TBPL2: variants seen among roughly 807,000 people sequenced by gnomAD.
The protein encoded by TBPL2 is TATA-box binding protein like 2, also known as TATA box-binding protein-like 2.
Under a neutral mutation model 38.2 loss-of-function variants are expected in TBPL2, and 40 were observed. The ratio of observed to expected loss-of-function variants is 1.05; its 90% confidence interval spans 0.81 to 1.36. TBPL2 has a LOEUF of 1.36. TBPL2 is among the 40% of genes most tolerant of loss of function. TBPL2 has a pLI of 0.00. For missense variants in TBPL2, 461 were observed against 456.7 expected (o/e 1.01, Z -0.09); for synonymous variants, 169 against 171.7 (o/e 0.98, Z 0.12).
intron 4 of TBPL2, 28 bp from the exon 5 acceptor site, chr14:55,429,002 T>G (rs774960815): frequency 6.2e-7 from 1 of 1,612,116 alleles, no homozygotes; most frequent in Non-Finnish European, 8.5e-7. Context: ...TGTTTAAAGA[T>G]GTCTTAATCG....
At chr14:55,414,690 C>G (rs1300903895) in intron 6 of TBPL2, among the ~76,000 whole-genome samples, 1 of 152,168 alleles carries the variant, frequency 6.6e-6, no homozygotes, top group Non-Finnish European at 1.5e-5. Flanking sequence ...CATCTTTGCT[C>G]ACACAGTGCT....
At chr14:55,417,499 G>C (rs1885686524) in intron 6 of TBPL2, among the ~76,000 whole-genome samples, 1 of 147,666 alleles carries the variant, frequency 6.8e-6, no homozygotes, top group Non-Finnish European at 1.5e-5. Context: ...GGTCACCCAG[G>C]CTGGAGTGCT....
chr14:55,422,790 T>G (rs1001778362), intron 6 of TBPL2, among the ~76,000 whole-genome samples: 2 of 151,832 alleles, frequency 1.3e-5, no homozygotes, highest in African/African-American at 4.8e-5. Context: ...GAGGTGGAGG[T>G]TGCAGTGAGC....
chr14:55,431,457 C>A (rs1885924146), intron 4 of TBPL2, among the ~76,000 whole-genome samples: 1 of 152,220 alleles, frequency 6.6e-6, no homozygotes, highest in African/African-American at 2.4e-5. Flanking sequence ...CCTTTCAGCT[C>A]AGTATGTGTA....
chr14:55,438,265 C>A (rs1207393464), intron 1 of TBPL2, among the ~76,000 whole-genome samples: 1 of 152,206 alleles, frequency 6.6e-6, no homozygotes, highest in Admixed American at 6.5e-5. Context: ...TCTGTTACTA[C>A]AAGTCCAGCA....
At chr14:55,415,694 C>T (rs781738318) in intron 6 of TBPL2, among the ~76,000 whole-genome samples, 1 of 151,974 alleles carries the variant, frequency 6.6e-6, no homozygotes, top group Non-Finnish European at 1.5e-5. Flanking sequence ...GCGAAACCCC[C>T]GTCTCTACTA....
At chr14:55,437,489 T>C (rs2140181233) in intron 1 of TBPL2, among the ~76,000 whole-genome samples, 1 of 152,286 alleles carries the variant, frequency 6.6e-6, no homozygotes, top group Non-Finnish European at 1.5e-5. Flanking sequence ...AAAATGATTC[T>C]ATTACAGTTA....
chr14:55,439,278 T>TTA (rs536541049), intron 1 of TBPL2, among the ~76,000 whole-genome samples: 1 of 133,884 alleles, frequency 7.5e-6, no homozygotes, highest in Non-Finnish European at 1.6e-5. Context: ...TAATTAACTT[T>TTA]AAAAAAAAAA....
chr14:55,433,862 G>T (rs1478674394), intron 3 of TBPL2, 141 bp from the exon 4 acceptor site: 3 of 616,530 alleles, frequency 4.9e-6, no homozygotes, highest in Non-Finnish European at 8.1e-6. Flanking sequence ...CTACATTAAG[G>T]TTAACAAAAA....
chr14:55,433,202 C>T (rs1885959748), intron 4 of TBPL2, among the ~76,000 whole-genome samples: 1 of 151,952 alleles, frequency 6.6e-6, no homozygotes, highest in Non-Finnish European at 1.5e-5. Context: ...GATCATAGCT[C>T]ATTGCAGCCT....
intron 5 of TBPL2, among the ~76,000 whole-genome samples, chr14:55,426,627 A>G (rs1416240463): frequency 6.6e-6 from 1 of 152,162 alleles, no homozygotes; most frequent in Non-Finnish European, 1.5e-5. Context: ...TGAGGCTGAC[A>G]GCCGAATGGA....
intron 3 of TBPL2, 145 bp downstream of exon 3, chr14:55,435,702 C>T: frequency 1.8e-6 from 1 of 567,160 alleles, no homozygotes; most frequent in South Asian, 2.5e-5. Flanking sequence ...TAACTCAAAA[C>T]AGATATTAAC....
chr14:55,424,271 G>T lies in TBPL2; in HGVS notation c.957-18C>A, dbSNP rs1388968674. 1.2e-5 allele frequency: 19 copies of T among 1,557,604 alleles called. No individual in the cohort carries two copies. Among genetic ancestry groups the T allele is most frequent in the Non-Finnish European group, 1.7e-5 (19 of 1,130,450 alleles). On this transcript the variant is annotated intron_variant, in intron 5 of 6. Transcript: ENST00000247219. Reference sequence around the variant, plus strand: ...GCTCGTAACTGTTAAGATGTAAAAGGAAAATGTTAAAAATAGCACTATTCA... The same window carrying T: ...GCTCGTAACTGTTAAGATGTAAAAGTAAAATGTTAAAAATAGCACTATTCA...
chr14:55,435,979 G>GAAA, intron 2 of TBPL2, 45 bp from the exon 3 acceptor site: 2 of 813,280 alleles, frequency 2.5e-6, no homozygotes, highest in Non-Finnish European at 3.5e-6. Context: ...GATATAAAGA[G>GAAA]TAAAAAAAAA....
At chr14:55,429,838 A>G (rs1050547145) in intron 4 of TBPL2, among the ~76,000 whole-genome samples, 9 of 151,848 alleles carry the variant, frequency 5.9e-5, no homozygotes, top group Non-Finnish European at 1.2e-4. Context: ...AAAAAATCGC[A>G]TATAAGGAGG....
At chr14:55,425,555 A>G (rs888725010) in intron 5 of TBPL2, among the ~76,000 whole-genome samples, 1 of 152,230 alleles carries the variant, frequency 6.6e-6, no homozygotes, top group Non-Finnish European at 1.5e-5. Flanking sequence ...GCCTCATTCC[A>G]AAAGAAGGCT....
At chr14:55,431,736 T>G (rs1226754535) in intron 4 of TBPL2, among the ~76,000 whole-genome samples, 1 of 152,216 alleles carries the variant, frequency 6.6e-6, no homozygotes, top group African/African-American at 2.4e-5. Flanking sequence ...GAGTACCGAC[T>G]GATCATTTGG....
Position 55,439,930 on chromosome 14 carries a change from C to CAAAAAAAA in TBPL2, c.150+458_150+465dup, listed in dbSNP as rs71131272. Among the ~76,000 whole-genome samples, 69 of 39,178 alleles carry CAAAAAAAA rather than the reference C, an allele frequency of 1.8e-3. 1 individual carries two copies. The highest frequency in any genetic ancestry group is 4.3e-3 in the African/African-American group (40 of 9,334). The allele number at this position is 39,178 out of a possible 152,430, so 25.7% of individuals were successfully genotyped here. A position where few individuals can be genotyped will look rare whatever the true frequency, so the allele number is the denominator to read the frequency against. On this transcript the variant is annotated intron_variant, in intron 1 of 6. Transcript: ENST00000247219. ...TGGGTGACAGAGCGAGACTCTGTCTCAAAAAAAAAAAAAAAAAAAAATTAG... is the reference window on the plus strand; with the variant it reads ...TGGGTGACAGAGCGAGACTCTGTCTCAAAAAAAAAAAAAAAAAAAAAAAAAAAAATTAG...
chr14:55,424,822 A>G (rs985014909), intron 5 of TBPL2, among the ~76,000 whole-genome samples: 1 of 152,192 alleles, frequency 6.6e-6, no homozygotes, highest in Non-Finnish European at 1.5e-5. Flanking sequence ...ACTACTAAAT[A>G]TAAGCTGGCC....
Sources: gnomAD v4.1 joint callset for allele counts (sites outside exome capture counted in the v4.1 genomes callset) on GRCh38, gnomAD v4.1.1 for gene constraint, MANE v1.5 for transcripts, NCBI Gene and HGNC (gene_info 2026-07-23, HGNC 2026-07-21) for gene names.